The following PER3 variants were observed in gnomAD, a reference collection of about 807,000 sequenced individuals.
The protein encoded by PER3 is period circadian regulator 3.
A neutral mutation model predicts 127.2 loss-of-function variants in PER3; 107 were observed. The ratio of observed to expected loss-of-function variants is 0.84; its 90% confidence interval spans 0.72 to 0.99. PER3 has a LOEUF of 0.99. Ranked by LOEUF, PER3 falls within the 50% of genes least tolerant of loss-of-function variation. PER3 has a pLI of 0.00. For synonymous variants in PER3, 618 were observed against 585.8 expected (o/e 1.05, Z -0.79); for missense variants, 1,560 against 1,525.8 (o/e 1.02, Z -0.37).
chr1:7,815,762 G>C (rs2097245902), intron 13 of PER3, among the ~76,000 whole-genome samples: 1 of 151,502 alleles, frequency 6.6e-6, no homozygotes, highest in Admixed American at 6.6e-5. Context: ...GAGGTGGGCA[G>C]ATCACAAGAT....
Position 7,785,447 on chromosome 1 carries a change from G to T in PER3, c.135G>T (p.Gln45His), listed in dbSNP as rs773661370. ...ATTTTTTTTTATCTTCCAGTGAACAGCAAGATCGAAACAGAGTTTCTGAAG... is the reference window on the plus strand; with the variant it reads ...ATTTTTTTTTATCTTCCAGTGAACATCAAGATCGAAACAGAGTTTCTGAAG... ...RKLADSSHSE[Q>H]QDRNRVSEEL... Residue 45 changes from glutamine to histidine, a missense_variant, in exon 3 of 22, where the codon CAG (glutamine) becomes CAT (histidine). Physicochemically the swap from Gln to His is conservative, Grantham distance 24. Around this residue, in one of 3 missense-constraint regions of PER3, gnomAD observed 1,332 missense variants for 1,223.6 expected, o/e 1.09. Transcript: ENST00000377532. 1 of 1,611,966 alleles carries T rather than the reference G, an allele frequency of 6.2e-7. No homozygotes were observed. Among genetic ancestry groups the T allele is most frequent in the East Asian group, 2.2e-5 (1 of 44,872 alleles).
chr1:7,788,896 CTG>C, intron 5 of PER3, among the ~76,000 whole-genome samples: 2 of 118,020 alleles, frequency 1.7e-5, no homozygotes, highest in African/African-American at 6.2e-5. Flanking sequence ...AAGCGTGAAA[CTG>C]TTTCTGGGGA....
rs775761322 is a variant in PER3, at chr1:7,820,647, C to G, written c.1957+7C>G. 11 of 1,593,184 alleles carry G rather than the reference C, an allele frequency of 6.9e-6. No individual in the cohort carries two copies. The South Asian group carries it at 1.0e-4, about 15-fold the overall frequency. On this transcript the variant is annotated splice_region_variant and intron_variant, in intron 16 of 21. Coordinates refer to ENST00000377532, the MANE Select transcript of PER3 (RefSeq NM_001377275.1). ...GTCCCACCCCCAGAGACAGGTACCACACTCGCCTCTTACTTTGAAAATATA... is the reference window on the plus strand; with the variant it reads ...GTCCCACCCCCAGAGACAGGTACCAGACTCGCCTCTTACTTTGAAAATATA...
intron 5 of PER3, among the ~76,000 whole-genome samples, chr1:7,790,118 G>A (rs1577632659): frequency 6.6e-6 from 1 of 152,160 alleles, no homozygotes; most frequent in Non-Finnish European, 1.5e-5. Context: ...ACTGCCTGTG[G>A]CTTTTCAGCC....
intron 5 of PER3, among the ~76,000 whole-genome samples, chr1:7,793,445 A>G (rs1477103976): frequency 6.6e-6 from 1 of 152,246 alleles, no homozygotes; most frequent in Non-Finnish European, 1.5e-5. Context: ...CATACACAAT[A>G]AAGTCATAAA....
chr1:7,809,321 G>A lies in PER3; in HGVS notation c.1242+323G>A, dbSNP rs146286492. On this transcript the variant is annotated intron_variant, in intron 11 of 21. Transcript: ENST00000377532. ...TTTTTAAAATAATTTCAGTTTTAAA[G>A]ATGGGAGGAGAGGGATGGTAGGTCT... 6.6e-4 allele frequency among the ~76,000 whole-genome samples: 101 copies of A among 152,328 alleles called. 1 individual carries two copies. In the East Asian group the frequency reaches 0.018, roughly 28 times the overall value.
At chr1:7,805,367 C>T (rs1204392354) in intron 10 of PER3, among the ~76,000 whole-genome samples, 2 of 152,056 alleles carry the variant, frequency 1.3e-5, no homozygotes, top group African/African-American at 2.4e-5. Context: ...ACCAGTAAGA[C>T]GTATTTGATC....
chr1:7,790,518 T>G (rs2097114223), intron 5 of PER3, among the ~76,000 whole-genome samples: 1 of 152,178 alleles, frequency 6.6e-6, no homozygotes, highest in Non-Finnish European at 1.5e-5. Flanking sequence ...AGATGAGATT[T>G]GGGTGGGGAT....
intron 21 of PER3, among the ~76,000 whole-genome samples, chr1:7,837,834 G>A (rs2151291708): frequency 6.6e-6 from 1 of 152,328 alleles, no homozygotes; most frequent in South Asian, 2.1e-4. Context: ...AGCACTTTGG[G>A]AGGCCAAGGT....
At chr1:7,806,148 GT>G (rs1037690963) in intron 10 of PER3, among the ~76,000 whole-genome samples, 5 of 152,182 alleles carry the variant, frequency 3.3e-5, no homozygotes, top group Admixed American at 3.3e-4. Context: ...TATAACTAGA[GT>G]TTGGTAAGTG....
At chr1:7,803,220 C>T (rs903680782) in intron 9 of PER3, 67 bp downstream of exon 9, 2 of 1,001,810 alleles carry the variant, frequency 2.0e-6, no homozygotes, top group Admixed American at 1.7e-5. Flanking sequence ...TTTTTCTTTT[C>T]ATCTCATTAG....
intron 5 of PER3, among the ~76,000 whole-genome samples, chr1:7,793,173 A>G (rs2097129658): frequency 6.6e-6 from 1 of 152,192 alleles, no homozygotes; most frequent in South Asian, 2.1e-4. Context: ...ATAACTGAAG[A>G]CTTCTTGTTT....
chr1:7,809,233 C>T (rs141719238), intron 11 of PER3, among the ~76,000 whole-genome samples: 1 of 152,272 alleles, frequency 6.6e-6, no homozygotes, highest in African/African-American at 2.4e-5. Flanking sequence ...AACCACGTGA[C>T]TGAGAGAATT....
In PER3 at chr1:7,826,593, A is replaced by G. The variant is rs1210079008; in HGVS notation, c.2071A>G (p.Thr691Ala). Reference protein sequence around the residue: ...GLTAAVLSAHTQKEEQNYVDK... With the variant: ...GLTAAVLSAHAQKEEQNYVDK... ...CACAGCGGCTGTTCTGTCAGCGCAC[A>G]CCCAGAAGGAAGAGCAGAATTATGT... The change falls in exon 17 of 22, where the codon ACC (threonine) becomes GCC (alanine). Residue 691 changes from threonine (T) to alanine (A), a missense_variant. Physicochemically the swap from Thr to Ala is moderately conservative, Grantham distance 58. Transcript: ENST00000377532. The surrounding 1 kb of genome is among the most constrained non-coding windows in gnomAD (Gnocchi z 4.2). 1.9e-6 allele frequency: 3 copies of G among 1,612,558 alleles called. No individual in the cohort carries two copies. The highest frequency in any genetic ancestry group is 2.5e-6 in the Non-Finnish European group (3 of 1,178,642).
At chr1:7,817,226 G>A (rs543048185) in intron 13 of PER3, among the ~76,000 whole-genome samples, 50 of 152,278 alleles carry the variant, frequency 3.3e-4, no homozygotes, top group Middle Eastern at 3.4e-3. Flanking sequence ...TTTGGTTACT[G>A]TGGTGATGGA....
At chr1:7,787,169 T>G (rs1439686365) in intron 4 of PER3, 1 of 494,298 alleles carries the variant, frequency 2.0e-6, no homozygotes, top group Non-Finnish European at 2.8e-6. Context: ...AATCTCCGAA[T>G]TGTTAATTTC....
chr1:7,837,290 C>G (rs1577974092), intron 21 of PER3, 141 bp downstream of exon 21: 1 of 608,588 alleles, frequency 1.6e-6, no homozygotes, highest in East Asian at 2.8e-5. Context: ...ATTATTCCCT[C>G]TTTACCAATA....
chr1:7,827,744 C>A lies in PER3; in HGVS notation c.2815C>A (p.Gln939Lys), dbSNP rs144610753. ...CTCACCCTTGCAGTTAAACTTACTT[C>A]AGGAAGAGATGCCCAGACCCTCTGA... ...SSSPLQLNLL[Q>K]EEMPRPSESP... The change falls in exon 18 of 22, where the codon CAG (glutamine) becomes AAG (lysine). Residue 939 changes from glutamine (Q) to lysine (K), a missense_variant. By Grantham distance (53) the Gln-to-Lys change is moderately conservative. Transcript: ENST00000377532. The A allele has an allele frequency of 3.0e-5, 49 of 1,613,940 alleles. No individual in the cohort carries two copies. The highest frequency in any genetic ancestry group is 1.8e-4 in the Admixed American group (11 of 60,006).
In PER3 at chr1:7,843,842, A is replaced by T; in HGVS notation, c.*1087A>T. On this transcript the variant is annotated 3_prime_UTR_variant, in exon 22 of 22. Transcript: ENST00000377532. ...TATGGCGTTTGTAGTTGTGTCTTTT[A>T]AGAAGTGAGTGTGATTGTTTACTTG... 1 of 1,069,446 alleles carries T rather than the reference A, an allele frequency of 9.4e-7. No homozygotes were observed. The highest frequency in any genetic ancestry group is 1.2e-6 in the Non-Finnish European group (1 of 828,076). 66.2% of individuals were successfully genotyped at this position (1,069,446 alleles called of 1,614,324 possible). A position where few individuals can be genotyped will look rare whatever the true frequency, so the allele number is the denominator to read the frequency against.
Sources: allele counts gnomAD v4.1 joint callset (sites outside exome capture counted in the v4.1 genomes callset), GRCh38; gene constraint gnomAD v4.1.1; regional missense constraint gnomAD v4.1.1; non-coding constraint Gnocchi (gnomAD v3.1); transcripts MANE v1.5; gene names NCBI Gene and HGNC (gene_info 2026-07-23, HGNC 2026-07-21).